The following NRG1 variants were observed in gnomAD, a reference collection of about 807,000 sequenced individuals.
NRG1 encodes the protein pro-neuregulin-1, membrane-bound isoform.
NRG1 carries 18 observed loss-of-function variants against 63.8 expected under a neutral mutation model. The ratio of observed to expected loss-of-function variants is 0.28; its 90% CI spans 0.19 to 0.42. The LOEUF is 0.42. NRG1 is among the 10% of genes least tolerant of loss of function. NRG1 has a pLI of 1.00. For missense variants in NRG1, 762 were observed against 814.7 expected (o/e 0.94, Z 0.79); for synonymous variants, 302 against 301.3 (o/e 1.00, Z -0.02).
At chr8:32,697,659 T>G (rs1465383146) in intron 5 of NRG1, among the ~76,000 whole-genome samples, 1 of 152,226 alleles carries the variant, frequency 6.6e-6, no homozygotes, top group Non-Finnish European at 1.5e-5. Flanking sequence ...AACCTATTTA[T>G]GTATGTGCTA....
At chr8:32,738,425 T>TACACACAC (rs35398326) in intron 6 of NRG1, among the ~76,000 whole-genome samples, 5 of 149,766 alleles carry the variant, frequency 3.3e-5, no homozygotes, top group South Asian at 2.1e-4. Context: ...GGTATATACA[T>TACACACAC]ACACACACAC....
chr8:32,537,834 A>C (rs1832169322), intron 1 of NRG1, among the ~76,000 whole-genome samples: 1 of 152,038 alleles, frequency 6.6e-6, no homozygotes, highest in South Asian at 2.1e-4. Flanking sequence ...TCTCCTTCTC[A>C]GGTTTTGGTT....
At chr8:31,665,700 G>T (rs1172669592) in intron 1 of NRG1, among the ~76,000 whole-genome samples, 4 of 152,184 alleles carry the variant, frequency 2.6e-5, no homozygotes, top group Non-Finnish European at 5.9e-5. Context: ...ATCTAGAAAA[G>T]CATAGGCTTT....
At chr8:32,690,398 T>A (rs1811281267) in intron 5 of NRG1, among the ~76,000 whole-genome samples, 1 of 152,094 alleles carries the variant, frequency 6.6e-6, no homozygotes, top group Admixed American at 6.5e-5. Flanking sequence ...ATGTCTGCTG[T>A]GCTCCAGCCA....
Position 31,894,425 on chromosome 8 carries a change from C to T in NRG1, c.37+254994C>T, listed in dbSNP as rs535644312. On this transcript the variant is annotated intron_variant, in intron 1 of 10. Transcript: ENST00000519301. Reference sequence around the variant, plus strand: ...TCTGTTTTAATAATATGTAAAAGTGCTTATGATATAATGCTAAGTAATTAA... The same window carrying T: ...TCTGTTTTAATAATATGTAAAAGTGTTTATGATATAATGCTAAGTAATTAA... Among the ~76,000 whole-genome samples the T allele has an allele frequency of 1.1e-4, 16 of 151,876 alleles. No individual in the cohort carries two copies. The East Asian group carries it at 2.9e-3, about 27-fold the overall frequency.
At chr8:31,663,421 C>G (rs1171952341) in intron 1 of NRG1, among the ~76,000 whole-genome samples, 7 of 152,234 alleles carry the variant, frequency 4.6e-5, no homozygotes, top group African/African-American at 1.7e-4. Context: ...CTTCCTCCTG[C>G]CTCCAAACCA....
chr8:31,661,273 C>G (rs1268860412), intron 1 of NRG1, among the ~76,000 whole-genome samples: 1 of 152,124 alleles, frequency 6.6e-6, no homozygotes, highest in Non-Finnish European at 1.5e-5. Flanking sequence ...CTGGCCACTC[C>G]CAGAGGTCTG....
intron 1 of NRG1, among the ~76,000 whole-genome samples, chr8:32,178,659 A>G (rs1465195053): frequency 6.6e-6 from 1 of 152,118 alleles, no homozygotes; most frequent in Non-Finnish European, 1.5e-5. Flanking sequence ...TAGACTGTCC[A>G]TGGGCAAAGT....
At chr8:32,654,340 G>T (rs1312767585) in intron 5 of NRG1, among the ~76,000 whole-genome samples, 1 of 152,170 alleles carries the variant, frequency 6.6e-6, no homozygotes, top group Non-Finnish European at 1.5e-5. Context: ...TTAGAGAAGA[G>T]AATTTTGGCC....
At chr8:31,899,550 A>G (rs547520798) in intron 1 of NRG1, among the ~76,000 whole-genome samples, 1 of 152,300 alleles carries the variant, frequency 6.6e-6, no homozygotes, top group East Asian at 1.9e-4. Flanking sequence ...TCCAGGACTT[A>G]TTATTATCAT....
At chr8:32,411,667 G>A (rs1814967933) in intron 1 of NRG1, among the ~76,000 whole-genome samples, 1 of 151,950 alleles carries the variant, frequency 6.6e-6, no homozygotes. Flanking sequence ...TTATAATGGG[G>A]TTGTCTGGAT....
chr8:32,606,957 C>G (rs1845379574), intron 3 of NRG1, among the ~76,000 whole-genome samples: 1 of 152,094 alleles, frequency 6.6e-6, no homozygotes, highest in South Asian at 2.1e-4. Context: ...TGGGAAAATT[C>G]AGGTTAATGC....
chr8:31,994,008 A>G (rs1811507284), intron 1 of NRG1, among the ~76,000 whole-genome samples: 1 of 151,974 alleles, frequency 6.6e-6, no homozygotes, highest in Admixed American at 6.6e-5. Flanking sequence ...TTTTTGCAAC[A>G]TTCAGTACTG....
chr8:31,988,152 A>ACCTTT (rs1267007381), intron 1 of NRG1, among the ~76,000 whole-genome samples: 10 of 152,096 alleles, frequency 6.6e-5, no homozygotes, highest in African/African-American at 1.9e-4. Context: ...GGATTGTGAA[A>ACCTTT]CCTTTCCTTT....
At chr8:32,052,697 A>T (rs779168809) in intron 1 of NRG1, among the ~76,000 whole-genome samples, 14 of 152,168 alleles carry the variant, frequency 9.2e-5, no homozygotes, top group Non-Finnish European at 1.6e-4. Flanking sequence ...GAGAACCCTT[A>T]GTTTACCTTG....
At chr8:32,561,570 A>G (rs1440711858) in intron 1 of NRG1, among the ~76,000 whole-genome samples, 3 of 152,236 alleles carry the variant, frequency 2.0e-5, no homozygotes, top group African/African-American at 7.2e-5. Flanking sequence ...TCTGAAAACA[A>G]GCAAGAGATC....
At chr8:32,173,595 C>T (rs1007092121) in intron 1 of NRG1, among the ~76,000 whole-genome samples, 2 of 152,036 alleles carry the variant, frequency 1.3e-5, no homozygotes, top group African/African-American at 4.8e-5. Flanking sequence ...TCAGGAAACC[C>T]ATCTCACGTG....
chr8:32,618,039 G>T (rs558492196), intron 5 of NRG1, among the ~76,000 whole-genome samples: 1 of 152,046 alleles, frequency 6.6e-6, no homozygotes. Context: ...TGCTAGAAAG[G>T]GCCAAATTAG....
chr8:32,312,079 C>T (rs1044475637), intron 1 of NRG1, among the ~76,000 whole-genome samples: 2 of 150,762 alleles, frequency 1.3e-5, no homozygotes, highest in Non-Finnish European at 3.0e-5. Flanking sequence ...AAGAAAACTG[C>T]GGTACCTTCT....
Sources: gnomAD v4.1 joint callset for allele counts (sites outside exome capture counted in the v4.1 genomes callset) on GRCh38, gnomAD v4.1.1 for gene constraint, MANE v1.5 for transcripts, NCBI Gene and HGNC (gene_info 2026-07-23, HGNC 2026-07-21) for gene names.